The following CREB5 variants were observed in gnomAD, a reference collection of about 807,000 sequenced individuals.
The protein encoded by CREB5 is cAMP responsive element binding protein 5.
Under a neutral mutation model 57.1 loss-of-function variants are expected in CREB5, and 19 were observed. The observed-to-expected ratio is 0.33, with a 90% CI of 0.23 to 0.49. The LOEUF is 0.49. CREB5 is among the 20% of genes least tolerant of loss of function. The pLI is 0.99. For missense variants in CREB5, 579 were observed against 671.6 expected (o/e 0.86, Z 1.52); for synonymous variants, 238 against 238.3 (o/e 1.00, Z 0.01).
chr7:28,320,367 T>G (rs1583669580), intron 1 of CREB5, among the ~76,000 whole-genome samples: 1 of 152,268 alleles, frequency 6.6e-6, no homozygotes, highest in East Asian at 1.9e-4. Flanking sequence ...GGCCGTTCAA[T>G]GCCAGAGGAT....
At chr7:28,520,965 A>G (rs1023068778) in intron 4 of CREB5, among the ~76,000 whole-genome samples, 2 of 152,212 alleles carry the variant, frequency 1.3e-5, no homozygotes, top group African/African-American at 2.4e-5. Context: ...CCAGTCTAAT[A>G]AGACAGGGTT....
chr7:28,729,065 C>T (rs374817048), intron 7 of CREB5, among the ~76,000 whole-genome samples: 5 of 152,056 alleles, frequency 3.3e-5, no homozygotes, highest in African/African-American at 1.2e-4. Context: ...GTCAATACCT[C>T]GTCTATAGTT....
intron 1 of CREB5, among the ~76,000 whole-genome samples, chr7:28,467,261 G>A (rs865997616): frequency 6.6e-6 from 1 of 152,204 alleles, no homozygotes; most frequent in Non-Finnish European, 1.5e-5. Flanking sequence ...AGAATTGCCT[G>A]CAGAAAGACT....
chr7:28,516,826 A>G (rs778824712), intron 4 of CREB5, among the ~76,000 whole-genome samples: 1 of 152,194 alleles, frequency 6.6e-6, no homozygotes, highest in Non-Finnish European at 1.5e-5. Flanking sequence ...CAAGGTATTA[A>G]CCCAAATGGA....
At chr7:28,483,157 G>A (rs1791405026) in intron 1 of CREB5, among the ~76,000 whole-genome samples, 1 of 152,142 alleles carries the variant, frequency 6.6e-6, no homozygotes, top group Non-Finnish European at 1.5e-5. Context: ...GGCTGTCCAC[G>A]TTTCAGTATC....
rs142722132 is a variant in CREB5 at position 28,549,846 on chromosome 7, G to A, written c.292-20519G>A. Reference sequence around the variant, plus strand: ...ACATGCTGCAAAGCGTGTCATTGCTGATGGTTTGCTTCAAACCCTTAGCCC... The same window carrying A: ...ACATGCTGCAAAGCGTGTCATTGCTAATGGTTTGCTTCAAACCCTTAGCCC... On this transcript the variant is annotated intron_variant, in intron 4 of 10. Coordinates refer to ENST00000357727, the MANE Select transcript of CREB5 (RefSeq NM_182898.4). Among the ~76,000 whole-genome samples, 1,352 of 152,274 alleles carry A rather than the reference G, an allele frequency of 8.9e-3. 15 individuals carry two copies. Among genetic ancestry groups the A allele is most frequent in the Non-Finnish European group, 0.014 (975 of 68,016 alleles).
chr7:28,726,270 A>G (rs991040126), intron 7 of CREB5, among the ~76,000 whole-genome samples: 1 of 152,104 alleles, frequency 6.6e-6, no homozygotes, highest in East Asian at 1.9e-4. Flanking sequence ...CTCTGCCCCA[A>G]GCTCCCACCT....
At chr7:28,477,942 C>T (rs1791151558) in intron 1 of CREB5, among the ~76,000 whole-genome samples, 1 of 152,096 alleles carries the variant, frequency 6.6e-6, no homozygotes, top group Admixed American at 6.5e-5. Flanking sequence ...CAGGGAGACC[C>T]TATCTCTACA....
chr7:28,639,638 C>G (rs1182172757), intron 5 of CREB5, among the ~76,000 whole-genome samples: 1 of 152,026 alleles, frequency 6.6e-6, no homozygotes, highest in Non-Finnish European at 1.5e-5. Context: ...ATCATGGACC[C>G]AAAGACCTCA....
chr7:28,494,480 A>G (rs1469965769), intron 2 of CREB5, among the ~76,000 whole-genome samples: 1 of 152,168 alleles, frequency 6.6e-6, no homozygotes, highest in Non-Finnish European at 1.5e-5. Flanking sequence ...ATAGCTCCTA[A>G]AGAAATATAT....
chr7:28,571,981 A>G (rs1270526358), intron 5 of CREB5, among the ~76,000 whole-genome samples: 2 of 152,196 alleles, frequency 1.3e-5, no homozygotes, highest in Non-Finnish European at 2.9e-5. Flanking sequence ...ATTGGAAGTG[A>G]TAATTAAAAA....
chr7:28,355,632 C>A (rs1786324034), intron 1 of CREB5, among the ~76,000 whole-genome samples: 1 of 152,128 alleles, frequency 6.6e-6, no homozygotes, highest in South Asian at 2.1e-4. Flanking sequence ...GCTCCCCCTG[C>A]CACCACTTAA....
At chr7:28,516,582 C>T (rs1281392902) in intron 4 of CREB5, among the ~76,000 whole-genome samples, 1 of 152,228 alleles carries the variant, frequency 6.6e-6, no homozygotes, top group Non-Finnish European at 1.5e-5. Context: ...CCTGCCCTCC[C>T]ATCAGGCAGC....
At chr7:28,660,338 T>C (rs1389718967) in intron 5 of CREB5, among the ~76,000 whole-genome samples, 2 of 151,436 alleles carry the variant, frequency 1.3e-5, no homozygotes, top group African/African-American at 4.8e-5. Flanking sequence ...ATTTTGAACC[T>C]AGCTTTCTAT....
intron 7 of CREB5, among the ~76,000 whole-genome samples, chr7:28,774,589 C>T (rs1806516911): frequency 2.0e-5 from 3 of 152,160 alleles, no homozygotes; most frequent in Admixed American, 6.5e-5. Context: ...GCCAACCCTT[C>T]GACTCTGTTT....
Position 28,710,123 on chromosome 7 carries a change from C to A in CREB5, c.465-8630C>A, listed in dbSNP as rs74404416. Among the ~76,000 whole-genome samples, 939 of 152,274 alleles carry A rather than the reference C, an allele frequency of 6.2e-3. 7 individuals carry two copies. The highest frequency in any genetic ancestry group is 0.012 in the South Asian group (56 of 4,828). On this transcript the variant is annotated intron_variant, in intron 5 of 10. Coordinates refer to ENST00000357727, the MANE Select transcript of CREB5 (RefSeq NM_182898.4). Reference sequence around the variant, plus strand: ...GAAAACAAGTGGGTCTAGAACTCATCTAAAAGCTTGAGTTTAAGGGGTGTT... The same window carrying A: ...GAAAACAAGTGGGTCTAGAACTCATATAAAAGCTTGAGTTTAAGGGGTGTT...
chr7:28,344,360 TG>T (rs1785997321), intron 1 of CREB5, among the ~76,000 whole-genome samples: 1 of 152,250 alleles, frequency 6.6e-6, no homozygotes, highest in Non-Finnish European at 1.5e-5. Context: ...TTAATGCTTC[TG>T]CATGTTGATA....
intron 1 of CREB5, among the ~76,000 whole-genome samples, chr7:28,429,581 C>T (rs903618399): frequency 6.6e-6 from 1 of 152,120 alleles, no homozygotes; most frequent in African/African-American, 2.4e-5. Context: ...GCCTTGGGAA[C>T]AAACGCTTTT....
At chr7:28,737,384 G>A (rs1804037592) in intron 7 of CREB5, among the ~76,000 whole-genome samples, 1 of 150,814 alleles carries the variant, frequency 6.6e-6, no homozygotes, top group Non-Finnish European at 1.5e-5. Context: ...TGCACCTCCT[G>A]GTTTCTTCCC....
Sources: gnomAD v4.1 joint callset for allele counts (sites outside exome capture counted in the v4.1 genomes callset) on GRCh38, gnomAD v4.1.1 for gene constraint, MANE v1.5 for transcripts, NCBI Gene and HGNC (gene_info 2026-07-23, HGNC 2026-07-21) for gene names.